The following DCHS2 variants were observed in gnomAD, a reference collection of about 807,000 sequenced individuals.
The protein encoded by DCHS2 is dachsous cadherin-related 2, also known as protocadherin-23.
In DCHS2, 142 loss-of-function variants were observed where a neutral mutation model predicts 182.4. That is an observed-to-expected ratio of 0.78 (90% CI 0.68 to 0.89). DCHS2 has a LOEUF of 0.89. DCHS2 is among the 40% of genes least tolerant of loss of function. DCHS2 has a pLI of 0.00. For missense variants in DCHS2, 4,319 were observed against 4,198.6 expected (o/e 1.03, Z -0.79); for synonymous variants, 1,740 against 1,663.3 (o/e 1.05, Z -1.12).
Position 154,490,814 on chromosome 4 carries a change from G to T in DCHS2, c.542C>A (p.Pro181Gln), listed in dbSNP as rs1242981404. ...SLQLDVSELS[P>Q]PGTAFRLPVA... is the part of the protein sequence containing the mutation. ...TGGCAGGCGGAAGGCGGTCCCTGGC[G>T]GGCTGAGCTCGGAGACGTCGAGTTG... Residue 181 changes from proline (P) to glutamine (Q), a missense_variant, in exon 1 of 20, where the codon CCG becomes CAG. Transcript: ENST00000357232. The T allele has an allele frequency of 1.3e-6, 2 of 1,551,572 alleles. No individual in the cohort carries two copies. The highest frequency in any genetic ancestry group is 2.7e-5 in the African/African-American group (2 of 73,178).
In DCHS2 at chr4:154,236,198, C is replaced by T; in HGVS notation, c.8454G>A (p.Met2818Ile). 6.2e-7 allele frequency: 1 copy of T among 1,613,972 alleles called. No individual in the cohort carries two copies. Among genetic ancestry groups the T allele is most frequent in the South Asian group, 1.1e-5 (1 of 91,084 alleles). The change falls in exon 20 of 20, where the codon ATG becomes ATA. Residue 2818 changes from methionine to isoleucine, a missense_variant. Transcript: ENST00000357232. The part of the protein sequence containing the change: ...IVSPCFLTHG[M>I]SYDHDLFLID... ...TGAGGAAGAGATCATGATCATAAGA[C>T]ATTCCATGAGTGAGAAAACAGGGTG...
intron 1 of DCHS2, among the ~76,000 whole-genome samples, chr4:154,418,228 T>C (rs934166063): frequency 1.3e-5 from 2 of 152,226 alleles, no homozygotes; most frequent in East Asian, 1.9e-4. Flanking sequence ...ATGTATTTCT[T>C]TCATATTACA....
intron 1 of DCHS2, among the ~76,000 whole-genome samples, chr4:154,452,946 T>C (rs1734600493): frequency 6.6e-6 from 1 of 152,214 alleles, no homozygotes; most frequent in Non-Finnish European, 1.5e-5. Context: ...TCGAGGACTA[T>C]GAAATGCTAG....
At position 154,377,481 on chromosome 4, in the gene DCHS2, T is replaced by C. The variant is rs1730963833; in HGVS notation, c.2053-37A>G. 3 of 1,538,476 alleles carry C rather than the reference T, an allele frequency of 1.9e-6. No individual in the cohort carries two copies. The East Asian group carries it at 6.8e-5, about 35-fold the overall frequency. On this transcript the variant is annotated intron_variant, in intron 1 of 19. Transcript: ENST00000357232. Reference sequence around the variant, plus strand: ...GAGGGTGATCAGGAGGAAACAGAAATGCTAGCATTACTTTTCAGTCAGTCA... The same window carrying C: ...GAGGGTGATCAGGAGGAAACAGAAACGCTAGCATTACTTTTCAGTCAGTCA...
chr4:154,420,818 T>C (rs1733081232), intron 1 of DCHS2, among the ~76,000 whole-genome samples: 1 of 152,192 alleles, frequency 6.6e-6, no homozygotes. Flanking sequence ...CCAGTCAAGC[T>C]GACACCTAAA....
Position 154,471,688 on chromosome 4 carries a change from C to A in DCHS2, c.2052+17616G>T, listed in dbSNP as rs369652079. Among the ~76,000 whole-genome samples the A allele has an allele frequency of 4.6e-5, 7 of 152,174 alleles. No individual in the cohort carries two copies. In the South Asian group the frequency reaches 6.2e-4, roughly 14 times the overall value. The stretch of plus-strand genomic sequence containing the variant: ...CTCAAAACTAAAGTCGCATTATGGT[C>A]ACGTGCAGAGCATTTGTTTTGTGTC... On this transcript the variant is annotated intron_variant, in intron 1 of 19. Coordinates refer to ENST00000357232, the MANE Select transcript of DCHS2 (RefSeq NM_001358235.2).
At chr4:154,285,256 C>T (rs370529830) in intron 13 of DCHS2, among the ~76,000 whole-genome samples, 7 of 152,062 alleles carry the variant, frequency 4.6e-5, no homozygotes, top group East Asian at 3.9e-4. Flanking sequence ...GAACCCTGGG[C>T]GAGACTCAGA....
At chr4:154,441,240 A>G (rs1258689457) in intron 1 of DCHS2, among the ~76,000 whole-genome samples, 1 of 152,228 alleles carries the variant, frequency 6.6e-6, no homozygotes, top group African/African-American at 2.4e-5. Flanking sequence ...AATATCTTCA[A>G]TATGATAATA....
chr4:154,390,271 C>T (rs913144901), intron 1 of DCHS2, among the ~76,000 whole-genome samples: 2 of 113,112 alleles, frequency 1.8e-5, no homozygotes, highest in Non-Finnish European at 3.5e-5. Context: ...CCCCCTCCCC[C>T]CACCCCACAA....
At chr4:154,479,059 G>C (rs558625757) in intron 1 of DCHS2, among the ~76,000 whole-genome samples, 2 of 152,100 alleles carry the variant, frequency 1.3e-5, no homozygotes, top group South Asian at 4.1e-4. Flanking sequence ...AGCTATTATA[G>C]TTATATGAGG....
intron 7 of DCHS2, among the ~76,000 whole-genome samples, chr4:154,325,636 G>A (rs1736250620): frequency 2.0e-5 from 3 of 152,144 alleles, no homozygotes; most frequent in African/African-American, 4.8e-5. Flanking sequence ...CTGAAGGAGG[G>A]GACAGCAGGA....
intron 14 of DCHS2, among the ~76,000 whole-genome samples, chr4:154,263,216 C>T (rs1578877539): frequency 6.6e-6 from 1 of 151,962 alleles, no homozygotes; most frequent in South Asian, 2.1e-4. Context: ...CAATTAGATA[C>T]AATTTTAATG....
At chr4:154,475,083 T>A (rs545305449) in intron 1 of DCHS2, among the ~76,000 whole-genome samples, 1 of 152,304 alleles carries the variant, frequency 6.6e-6, no homozygotes, top group East Asian at 1.9e-4. Flanking sequence ...TTAAAATCAC[T>A]ATTACCTTAT....
intron 12 of DCHS2, among the ~76,000 whole-genome samples, chr4:154,302,962 C>T (rs367586672): frequency 0.064 from 3,600 of 56,318 alleles, 161 homozygotes; most frequent in Admixed American, 0.091. Flanking sequence ...CACACACACA[C>T]ACACACCCAC....
At chr4:154,426,228 T>C (rs1733318908) in intron 1 of DCHS2, among the ~76,000 whole-genome samples, 1 of 152,204 alleles carries the variant, frequency 6.6e-6, no homozygotes. Flanking sequence ...AAAATTCTAG[T>C]TCATTTTATC....
chr4:154,430,015 C>A (rs116005017), intron 1 of DCHS2, among the ~76,000 whole-genome samples: 148 of 152,262 alleles, frequency 9.7e-4, no homozygotes, highest in African/African-American at 3.3e-3. Flanking sequence ...ACCTAGTAAC[C>A]ATGAATGTTG....
At chr4:154,412,096 G>T (rs1732655860) in intron 1 of DCHS2, among the ~76,000 whole-genome samples, 1 of 152,082 alleles carries the variant, frequency 6.6e-6, no homozygotes, top group African/African-American at 2.4e-5. Context: ...AAATAAATTT[G>T]ATTTGGTTTA....
Position 154,239,271 on chromosome 4 carries a change from T to G in DCHS2, c.7391A>C (p.Tyr2464Ser). 6.2e-7 allele frequency: 1 copy of G among 1,613,394 alleles called. No individual in the cohort carries two copies. Among genetic ancestry groups the G allele is most frequent in the Non-Finnish European group, 8.5e-7 (1 of 1,179,650 alleles). Residue 2464 changes from tyrosine to serine, a missense_variant, in exon 19 of 20, where the codon TAT (tyrosine) becomes TCT (serine). By Grantham distance (144) the Tyr-to-Ser change is moderately radical. Coordinates refer to ENST00000357232, the MANE Select transcript of DCHS2 (RefSeq NM_001358235.2). ...TGTGGCTGACAGAGTCAGCACTGAA[T>G]ACCCCACAGGTATTGATTCAGGAAC... ...VTVPESIPVG[Y>S]SVLTLSATDL...
chr4:154,286,472 A>G (rs1360856145), intron 13 of DCHS2, among the ~76,000 whole-genome samples: 2 of 152,076 alleles, frequency 1.3e-5, no homozygotes, highest in East Asian at 1.9e-4. Context: ...ACAGAGAGGG[A>G]GTTCTGAATC....
Sources: gnomAD v4.1 joint callset for allele counts (sites outside exome capture counted in the v4.1 genomes callset) on GRCh38, gnomAD v4.1.1 for gene constraint, MANE v1.5 for transcripts, NCBI Gene and HGNC (gene_info 2026-07-23, HGNC 2026-07-21) for gene names.